PIBF1: variants seen among roughly 807,000 people sequenced by gnomAD.
PIBF1 encodes the protein progesterone-induced-blocking factor 1.
Under a neutral mutation model 112.5 loss-of-function variants are expected in PIBF1, and 90 were observed. The observed-to-expected ratio is 0.80, with a 90% confidence interval of 0.67 to 0.95. The LOEUF is 0.95. Among genes scored for constraint, PIBF1 ranks in the 40% least tolerant of loss-of-function variants. The pLI is 0.00. For missense variants in PIBF1, 915 were observed against 852.3 expected, an observed-to-expected ratio of 1.07 and a Z score of -0.92; for synonymous variants, 301 against 288.6, an observed-to-expected ratio of 1.04 and a Z score of -0.44.
Position 72,827,895 on chromosome 13 carries a change from GA to G in PIBF1, c.1083del (p.Lys361AsnfsTer3). ...CAAAAAGGCTAGAGAAGAGATGTAT[GA>G]AAAATATGTAGCATCCAGGCAAGAT... is the stretch of plus-strand genomic sequence containing the variant. ...ESKKAREEMY[E>X]KYVASRDHYK... On this transcript the variant is annotated frameshift_variant, in exon 8 of 18. Coordinates refer to ENST00000326291, the MANE Select transcript of PIBF1 (RefSeq NM_006346.4). LOFTEE classifies it high-confidence loss of function. 1 of 1,574,046 alleles carries G rather than the reference GA, an allele frequency of 6.4e-7. No homozygotes were observed. The highest frequency in any genetic ancestry group is 8.6e-7 in the Non-Finnish European group (1 of 1,159,502).
intron 16 of PIBF1, among the ~76,000 whole-genome samples, chr13:72,993,766 T>A (rs116372202): frequency 0.015 from 2,127 of 142,444 alleles, 64 homozygotes; most frequent in African/African-American, 0.05. Flanking sequence ...AAAAAAAGAA[T>A]CAGGATGGCA....
intron 16 of PIBF1, among the ~76,000 whole-genome samples, chr13:72,980,837 A>G (rs1026385072): frequency 2.0e-5 from 3 of 151,978 alleles, no homozygotes; most frequent in African/African-American, 7.2e-5. Context: ...AAAAGATGCT[A>G]AAGCAGTTTC....
intron 13 of PIBF1, among the ~76,000 whole-genome samples, chr13:72,926,406 A>G (rs894881675): frequency 1.3e-5 from 2 of 152,226 alleles, no homozygotes; most frequent in Non-Finnish European, 2.9e-5. Flanking sequence ...AATAAATGTA[A>G]GTAAAAGTTC....
rs575958586 is a variant in PIBF1, at chr13:72,829,060, G to T, written c.1097+1146G>T. On this transcript the variant is annotated intron_variant, in intron 8 of 17. Coordinates refer to ENST00000326291, the MANE Select transcript of PIBF1 (RefSeq NM_006346.4). ...ATGATGAGCATTTGTTCATATATCTGTTGGCTGCATAAATGTCTTCTTTTG... is the reference window on the plus strand; with the variant it reads ...ATGATGAGCATTTGTTCATATATCTTTTGGCTGCATAAATGTCTTCTTTTG... Among the ~76,000 whole-genome samples the T allele has an allele frequency of 2.0e-5, 3 of 152,310 alleles. No individual in the cohort carries two copies. The South Asian group carries it at 6.2e-4, about 32-fold the overall frequency.
At chr13:72,825,355 A>G (rs2036755067) in intron 6 of PIBF1, among the ~76,000 whole-genome samples, 1 of 152,226 alleles carries the variant, frequency 6.6e-6, no homozygotes, top group Non-Finnish European at 1.5e-5. Context: ...TTAGGGATAA[A>G]GGGACCTAAT....
chr13:72,956,547 A>T (rs2042450080), intron 14 of PIBF1, among the ~76,000 whole-genome samples: 1 of 152,206 alleles, frequency 6.6e-6, no homozygotes, highest in Non-Finnish European at 1.5e-5. Context: ...CAGAGCCTAT[A>T]CAATTTGATC....
At chr13:72,841,643 A>G (rs1046317579) in intron 9 of PIBF1, among the ~76,000 whole-genome samples, 1 of 152,064 alleles carries the variant, frequency 6.6e-6, no homozygotes, top group Non-Finnish European at 1.5e-5. Flanking sequence ...GCGTGGTGGC[A>G]CAGGCCTGTA....
chr13:72,788,597 T>C (rs996101840), intron 2 of PIBF1, among the ~76,000 whole-genome samples: 2 of 152,164 alleles, frequency 1.3e-5, no homozygotes. Context: ...AGGAGAAGGA[T>C]AGTGGAAAAG....
rs765679847 is a variant in PIBF1, at chr13:72,965,291, G to A, written c.1851G>A (p.Ser617=). 9.3e-6 allele frequency: 15 copies of A among 1,609,234 alleles called. No homozygotes were observed. Among genetic ancestry groups the A allele is most frequent in the Non-Finnish European group, 1.2e-5 (14 of 1,178,378 alleles). ...QLSQELDRAN[S]LLNQTQQPYR... is the part of the protein sequence containing the mutation. Reference sequence around the variant, plus strand: ...TTCTTTAGCTTGACAGAGCCAATTCGCTATTAAACCAGACTCAACAGCCTT... The same window carrying A: ...TTCTTTAGCTTGACAGAGCCAATTCACTATTAAACCAGACTCAACAGCCTT... Residue 617 remains serine, a synonymous_variant, in exon 15 of 18, where the codon TCG becomes TCA. Transcript: ENST00000326291.
At chr13:72,972,004 A>G (rs926051754) in intron 15 of PIBF1, among the ~76,000 whole-genome samples, 6 of 15,680 alleles carry the variant, frequency 3.8e-4, no homozygotes, top group African/African-American at 2.1e-3. Context: ...AGTGGCTTTC[A>G]TTTATTTATT....
intron 14 of PIBF1, among the ~76,000 whole-genome samples, chr13:72,960,299 G>T (rs1348751977): frequency 6.6e-6 from 1 of 152,044 alleles, no homozygotes. Context: ...TGGTCCTGGC[G>T]ACTCAAGAGG....
intron 6 of PIBF1, among the ~76,000 whole-genome samples, chr13:72,823,370 T>C (rs76102289): frequency 1.2e-4 from 18 of 152,132 alleles, no homozygotes; most frequent in Non-Finnish European, 1.9e-4. Flanking sequence ...TATGTTTTCA[T>C]TTACTATAAT....
intron 8 of PIBF1, among the ~76,000 whole-genome samples, chr13:72,833,434 G>A (rs569822035): frequency 6.6e-6 from 1 of 152,312 alleles, no homozygotes; most frequent in Non-Finnish European, 1.5e-5. Context: ...TGATGTTGGT[G>A]ACCTTCAGAT....
intron 14 of PIBF1, among the ~76,000 whole-genome samples, chr13:72,943,132 T>G (rs1364657132): frequency 1.3e-5 from 2 of 152,166 alleles, no homozygotes. Flanking sequence ...CAAGTGAACT[T>G]TAATTCATCA....
chr13:72,814,606 T>C (rs1181371578), intron 5 of PIBF1, among the ~76,000 whole-genome samples: 1 of 151,882 alleles, frequency 6.6e-6, no homozygotes, highest in Non-Finnish European at 1.5e-5. Context: ...TAGAAACGTA[T>C]CTTTTGGATT....
chr13:72,791,835 T>C (rs2138389800), intron 2 of PIBF1, among the ~76,000 whole-genome samples: 1 of 152,044 alleles, frequency 6.6e-6, no homozygotes, highest in East Asian at 2.0e-4. Context: ...AGTTTCACCA[T>C]GCTGGCCAGG....
In PIBF1 at chr13:72,908,633, G is replaced by T; in HGVS notation, c.1591G>T (p.Glu531Ter). 1.2e-6 allele frequency: 2 copies of T among 1,613,304 alleles called. No homozygotes were observed. Among genetic ancestry groups the T allele is most frequent in the South Asian group, 1.1e-5 (1 of 90,984 alleles). The change falls in exon 12 of 18, where the codon GAG becomes TAG. Residue 531 changes from glutamate (E) to a stop codon, truncating the protein, a stop_gained. Coordinates refer to ENST00000326291, the MANE Select transcript of PIBF1 (RefSeq NM_006346.4). LOFTEE classifies it high-confidence loss of function. ...SEHQARLDIY[E>*]KLEKELDEII... Reference sequence around the variant, plus strand: ...GCATCAAGCAAGGCTAGACATTTATGAGAAACTGGAAAAAGAGCTTGATGA... The same window carrying T: ...GCATCAAGCAAGGCTAGACATTTATTAGAAACTGGAAAAAGAGCTTGATGA...
intron 11 of PIBF1, among the ~76,000 whole-genome samples, chr13:72,903,064 G>A (rs2040562362): frequency 6.6e-6 from 1 of 151,550 alleles, no homozygotes; most frequent in Non-Finnish European, 1.5e-5. Context: ...CCCAGCTAAT[G>A]TTTTTATGTT....
chr13:72,886,451 T>A (rs1272033800), intron 10 of PIBF1, among the ~76,000 whole-genome samples: 1 of 151,748 alleles, frequency 6.6e-6, no homozygotes, highest in Non-Finnish European at 1.5e-5. Context: ...GTTATAAAAA[T>A]TTTATAACAG....
Sources: allele counts gnomAD v4.1 joint callset (sites outside exome capture counted in the v4.1 genomes callset), GRCh38; gene constraint gnomAD v4.1.1; transcripts MANE v1.5; gene names NCBI Gene and HGNC (gene_info 2026-07-23, HGNC 2026-07-21).